Variants in PLXDC2 observed in about 807,000 individuals in gnomAD.
PLXDC2 encodes the protein plexin domain containing 2.
In PLXDC2, 40 loss-of-function variants were observed where a neutral mutation model predicts 68.9. The observed-to-expected ratio is 0.58, with a 90% CI of 0.45 to 0.76. The LOEUF (loss-of-function observed/expected upper bound fraction) is 0.76, where lower values mean the gene tolerates loss of function less well. Among genes scored for constraint, PLXDC2 ranks in the 30% least tolerant of loss-of-function variants. PLXDC2 has a pLI of 0.00. For synonymous variants in PLXDC2, 243 were observed against 234.2 expected (o/e 1.04, Z -0.34); for missense variants, 644 against 661.9 (o/e 0.97, Z 0.30).
Position 20,217,578 on chromosome 10 carries a change from T to C in PLXDC2, c.1273+2T>C. The C allele has an allele frequency of 1.6e-6, 2 of 1,269,570 alleles. No individual in the cohort carries two copies. Among genetic ancestry groups the C allele is most frequent in the Non-Finnish European group, 2.1e-6 (2 of 931,718 alleles). The allele number at this position is 1,269,570 out of a possible 1,614,324, so 78.6% of individuals were successfully genotyped here. The stretch of plus-strand genomic sequence containing the variant: ...TTCCCACCAGCCTCCCTACAGAAGG[T>C]ACCCAAGAGATAGTTTGCTTTTTTT... On this transcript the variant is annotated splice_donor_variant, in intron 11 of 13. Coordinates refer to ENST00000377252, the MANE Select transcript of PLXDC2 (RefSeq NM_032812.9). LOFTEE classifies it high-confidence loss of function.
intron 4 of PLXDC2, among the ~76,000 whole-genome samples, chr10:20,106,792 T>C (rs539774411): frequency 5.2e-4 from 79 of 152,214 alleles, no homozygotes; most frequent in African/African-American, 1.8e-3. Flanking sequence ...TACTGTAGCT[T>C]ATTTGCTGTA....
chr10:19,986,537 T>TAAA (rs758076351), intron 1 of PLXDC2, among the ~76,000 whole-genome samples: 96 of 126,028 alleles, frequency 7.6e-4, no homozygotes, highest in African/African-American at 2.6e-3. Flanking sequence ...GTTGATGGCT[T>TAAA]AAAAAAAAAA....
At chr10:20,183,063 T>G (rs765159010) in intron 9 of PLXDC2, among the ~76,000 whole-genome samples, 3 of 152,008 alleles carry the variant, frequency 2.0e-5, no homozygotes, top group Non-Finnish European at 2.9e-5. Context: ...ATTTTGGCAC[T>G]CTTTTGAGAT....
At chr10:20,052,473 C>T (rs549326358) in intron 3 of PLXDC2, among the ~76,000 whole-genome samples, 1 of 152,066 alleles carries the variant, frequency 6.6e-6, no homozygotes, top group South Asian at 2.1e-4. Flanking sequence ...CCACATGCAA[C>T]AAACACACAC....
chr10:20,060,442 A>G (rs758982740), intron 3 of PLXDC2, among the ~76,000 whole-genome samples: 1 of 151,450 alleles, frequency 6.6e-6, no homozygotes, highest in Non-Finnish European at 1.5e-5. Context: ...GGCTCCTGGA[A>G]CTATACTTAG....
intron 6 of PLXDC2, among the ~76,000 whole-genome samples, chr10:20,154,095 A>G (rs1174087853): frequency 6.6e-6 from 1 of 152,170 alleles, no homozygotes; most frequent in Non-Finnish European, 1.5e-5. Context: ...GAGTTTGGAA[A>G]TCAAACTCTC....
At position 20,283,264 on chromosome 10, in the gene PLXDC2, C is replaced by G. The variant is rs536699003; in HGVS notation, c.*3445C>G. 6.6e-6 allele frequency: 1 copy of G among 152,320 alleles called. No homozygotes were observed. Among genetic ancestry groups the G allele is most frequent in the Non-Finnish European group, 1.5e-5 (1 of 68,034 alleles). 9.4% of individuals were successfully genotyped at this position (152,320 alleles called of 1,614,324 possible). A position where few individuals can be genotyped will look rare whatever the true frequency, so the allele number is the denominator to read the frequency against. On this transcript the variant is annotated 3_prime_UTR_variant, in exon 14 of 14. Transcript: ENST00000377252. Reference sequence around the variant, plus strand: ...CCACTGTGTTATCTTGGGAAAATCACTTCAACCTCCTTGAGTCTCAATTTG... The same window carrying G: ...CCACTGTGTTATCTTGGGAAAATCAGTTCAACCTCCTTGAGTCTCAATTTG...
intron 1 of PLXDC2, among the ~76,000 whole-genome samples, chr10:19,874,718 T>G (rs1837602546): frequency 1.3e-5 from 2 of 152,166 alleles, no homozygotes; most frequent in Non-Finnish European, 2.9e-5. Context: ...ACATTTGAAT[T>G]GAACTTTAAA....
Position 20,269,862 on chromosome 10 carries a change from A to G in PLXDC2, c.1474-9841A>G, listed in dbSNP as rs116176830. Among the ~76,000 whole-genome samples, 1,044 of 152,098 alleles carry G rather than the reference A, an allele frequency of 6.9e-3. 13 individuals carry two copies. The highest frequency in any genetic ancestry group is 0.023 in the African/African-American group (974 of 41,478). On this transcript the variant is annotated intron_variant, in intron 13 of 13. Transcript: ENST00000377252. ...GTGAAATCCCGTTTCTATTAAAAAT[A>G]CAATAATTAGCCAGGCATGGTTGTG...
chr10:19,843,978 C>T (rs781424596), intron 1 of PLXDC2, among the ~76,000 whole-genome samples: 1 of 152,122 alleles, frequency 6.6e-6, no homozygotes, highest in East Asian at 1.9e-4. Context: ...TGATGGGTGC[C>T]CCAAATGCCC....
chr10:20,031,915 G>A (rs868137727), intron 2 of PLXDC2, among the ~76,000 whole-genome samples: 2 of 151,972 alleles, frequency 1.3e-5, no homozygotes, highest in East Asian at 1.9e-4. Context: ...AACCTCCCAA[G>A]TTCAAGAGAT....
rs116897863 is a variant in PLXDC2 at position 19,950,448 on chromosome 10, C to G, written c.113-51327C>G. ...ACAGTATCCCTAGGAATACATCTAA[C>G]CAAGGAGGTGAAAGATCTCTACAAG... On this transcript the variant is annotated intron_variant, in intron 1 of 13. Transcript: ENST00000377252. 6.4e-4 allele frequency among the ~76,000 whole-genome samples: 97 copies of G among 152,144 alleles called. No homozygotes were observed. In the East Asian group the frequency reaches 0.017, roughly 26 times the overall value.
chr10:20,022,972 G>C (rs1221848503), intron 2 of PLXDC2, among the ~76,000 whole-genome samples: 3 of 151,480 alleles, frequency 2.0e-5, no homozygotes, highest in South Asian at 2.1e-4. Flanking sequence ...CCTCCAAAGG[G>C]GGAGACAAAC....
intron 1 of PLXDC2, among the ~76,000 whole-genome samples, chr10:19,902,163 T>C (rs1232209228): frequency 6.6e-6 from 1 of 151,792 alleles, no homozygotes; most frequent in Non-Finnish European, 1.5e-5. Context: ...GTCTCTTTTC[T>C]GGTTCTATAT....
At chr10:20,266,150 G>A (rs1038943195) in intron 13 of PLXDC2, among the ~76,000 whole-genome samples, 5 of 152,110 alleles carry the variant, frequency 3.3e-5, no homozygotes, top group African/African-American at 9.7e-5. Flanking sequence ...AGAGTAATGA[G>A]AAATCAGGGA....
At chr10:20,230,693 C>CAAAAA (rs1191613913) in intron 12 of PLXDC2, among the ~76,000 whole-genome samples, 1,150 of 37,716 alleles carry the variant, frequency 0.03, 215 homozygotes, top group African/African-American at 0.089. Context: ...GACCTTGTCT[C>CAAAAA]AAAAAAAAAA....
Position 20,287,674 on chromosome 10 carries a change from C to A in PLXDC2, c.*7855C>A. On this transcript the variant is annotated 3_prime_UTR_variant, in exon 14 of 14. Coordinates refer to ENST00000377252, the MANE Select transcript of PLXDC2 (RefSeq NM_032812.9). ...ATCATTTTAGGGAAATCAGTGAAGT[C>A]TCTTTAGAAACAGACATCTTGTGTA... is the stretch of plus-strand genomic sequence containing the variant. 1 of 152,118 alleles carries A rather than the reference C, an allele frequency of 6.6e-6. No homozygotes were observed. Among genetic ancestry groups the A allele is most frequent in the East Asian group, 1.9e-4 (1 of 5,180 alleles). 9.4% of individuals were successfully genotyped at this position (152,118 alleles called of 1,614,324 possible). A position where few individuals can be genotyped will look rare whatever the true frequency, so the allele number is the denominator to read the frequency against.
intron 1 of PLXDC2, among the ~76,000 whole-genome samples, chr10:19,918,497 G>T (rs201134600): frequency 3.9e-5 from 6 of 152,156 alleles, no homozygotes; most frequent in Non-Finnish European, 8.8e-5. Context: ...TGAGCTGACC[G>T]ATCTTTTCTG....
chr10:19,863,845 A>T (rs1346753159), intron 1 of PLXDC2, among the ~76,000 whole-genome samples: 1 of 152,198 alleles, frequency 6.6e-6, no homozygotes, highest in Admixed American at 6.5e-5. Flanking sequence ...TCAGAGGGAA[A>T]GAGTATTAGA....
Sources: gnomAD v4.1 joint callset for allele counts (sites outside exome capture counted in the v4.1 genomes callset) on GRCh38, gnomAD v4.1.1 for gene constraint, MANE v1.5 for transcripts, NCBI Gene and HGNC (gene_info 2026-07-23, HGNC 2026-07-21) for gene names.